The following DAPK1 variants were observed in gnomAD, a reference collection of about 807,000 sequenced individuals.
The protein encoded by DAPK1 is death-associated protein kinase 1.
DAPK1 carries 56 observed loss-of-function variants against 144.9 expected under a neutral mutation model. That is an observed-to-expected ratio of 0.39 (90% CI 0.31 to 0.48). The LOEUF is 0.48. DAPK1 is among the 20% of genes least tolerant of loss of function. The pLI is 0.95. For missense variants in DAPK1, 1,454 were observed against 1,875.4 expected (o/e 0.78, Z 4.15); for synonymous variants, 690 against 749.0 (o/e 0.92, Z 1.29).
At chr9:87,497,862 A>G (rs1476386835), upstream of DAPK1, 2 of 392,912 alleles carry the variant, frequency 5.1e-6, no homozygotes, top group Non-Finnish European at 9.0e-6. Flanking sequence ...AGGAGCCGAG[A>G]GGCTGCTTCG....
At chr9:87,588,677 A>G (rs1315205751) in intron 2 of DAPK1, among the ~76,000 whole-genome samples, 3 of 152,194 alleles carry the variant, frequency 2.0e-5, no homozygotes, top group Non-Finnish European at 4.4e-5. Context: ...ATATTTCCAA[A>G]TAGAGACTAG....
chr9:87,583,823 C>G (rs958224049), intron 2 of DAPK1, among the ~76,000 whole-genome samples: 3 of 152,212 alleles, frequency 2.0e-5, no homozygotes, highest in Non-Finnish European at 4.4e-5. Context: ...AACCTTTCAG[C>G]CTACCATGCT....
intron 2 of DAPK1, among the ~76,000 whole-genome samples, chr9:87,516,099 T>G (rs1825043526): frequency 6.6e-6 from 1 of 152,200 alleles, no homozygotes; most frequent in Admixed American, 6.5e-5. Flanking sequence ...ATGTGGCCTC[T>G]TGCTGTTTTA....
At chr9:87,650,674 G>C (rs1454566689) in intron 16 of DAPK1, among the ~76,000 whole-genome samples, 1 of 152,182 alleles carries the variant, frequency 6.6e-6, no homozygotes, top group African/African-American at 2.4e-5. Flanking sequence ...TTTAATATCT[G>C]CCCTTTGTGA....
At chr9:87,634,171 A>C (rs886845010) in intron 3 of DAPK1, among the ~76,000 whole-genome samples, 2 of 152,238 alleles carry the variant, frequency 1.3e-5, no homozygotes, top group South Asian at 4.1e-4. Context: ...TTCATGATAC[A>C]TTAGCAGAGC....
intron 2 of DAPK1, among the ~76,000 whole-genome samples, chr9:87,563,690 T>TGG: frequency 1.3e-5 from 2 of 152,188 alleles, no homozygotes; most frequent in African/African-American, 4.8e-5. Flanking sequence ...CACCAGATGT[T>TGG]CAGGTGAGGC....
chr9:87,557,332 G>C (rs891669959), intron 2 of DAPK1, among the ~76,000 whole-genome samples: 2 of 152,282 alleles, frequency 1.3e-5, no homozygotes, highest in African/African-American at 4.8e-5. Flanking sequence ...CCTTTGTCCT[G>C]TACCTTCCTG....
At chr9:87,549,525 C>T (rs1190545253) in intron 2 of DAPK1, among the ~76,000 whole-genome samples, 2 of 152,022 alleles carry the variant, frequency 1.3e-5, no homozygotes, top group African/African-American at 4.8e-5. Context: ...TCTGAAATGA[C>T]GAAAAAATTC....
intron 2 of DAPK1, among the ~76,000 whole-genome samples, chr9:87,501,923 C>T (rs1824416761): frequency 6.6e-6 from 1 of 152,168 alleles, no homozygotes; most frequent in African/African-American, 2.4e-5. Context: ...GCCATTTACC[C>T]ACTCTGACAC....
chr9:87,706,417 T>C lies in DAPK1; in HGVS notation c.3346T>C (p.Trp1116Arg). Residue 1116 changes from tryptophan to arginine, a missense_variant, in exon 26 of 26, where the codon TGG becomes CGG. Physicochemically the swap from Trp to Arg is moderately radical, Grantham distance 101. This residue lies in a region of DAPK1 where 1,025 missense variants were observed against 1,237.9 expected (regional missense o/e 0.83). Transcript: ENST00000408954. The surrounding 1 kb of genome is among the most constrained non-coding windows in gnomAD (Gnocchi z 9.0). ...LIKTDNLHRSWADEEDEVMVY... is the reference protein window; with the variant it reads ...LIKTDNLHRSRADEEDEVMVY... The stretch of plus-strand genomic sequence containing the variant: ...CAAGACAGACAACCTGCACCGCTCC[T>C]GGGCTGATGAGGAGGACGAGGTGAT... The C allele has an allele frequency of 6.2e-7, 1 of 1,613,442 alleles. No homozygotes were observed.
intron 3 of DAPK1, among the ~76,000 whole-genome samples, chr9:87,627,621 C>T (rs951242144): frequency 1.3e-5 from 2 of 152,172 alleles, no homozygotes; most frequent in African/African-American, 4.8e-5. Context: ...TTCCAGCTTA[C>T]CTGTTTCCTG....
intron 17 of DAPK1, among the ~76,000 whole-genome samples, chr9:87,652,162 C>T (rs1830466567): frequency 7.0e-6 from 1 of 142,384 alleles, no homozygotes; most frequent in African/African-American, 2.7e-5. Context: ...GATTCTGTGT[C>T]CTCCCACCTG....
At chr9:87,520,525 C>T (rs558252909) in intron 2 of DAPK1, among the ~76,000 whole-genome samples, 58 of 152,240 alleles carry the variant, frequency 3.8e-4, no homozygotes, top group East Asian at 1.4e-3. Flanking sequence ...GCTTGAAAGC[C>T]GGAAGACAAG....
At chr9:87,601,093 G>T (rs796762395) in intron 2 of DAPK1, among the ~76,000 whole-genome samples, 56 of 152,346 alleles carry the variant, frequency 3.7e-4, no homozygotes, top group African/African-American at 1.3e-3. Context: ...TCCCGATCCA[G>T]GGTGGAAAGC....
rs116894470 is a variant in DAPK1, at chr9:87,607,704, T to C, written c.284+2529T>C. ...GTAAATCATGTAACCAGCAGTCTAATTGGGACTCAGAACAGTTCCCATACC... is the reference window on the plus strand; with the variant it reads ...GTAAATCATGTAACCAGCAGTCTAACTGGGACTCAGAACAGTTCCCATACC... On this transcript the variant is annotated intron_variant, in intron 3 of 25. Coordinates refer to ENST00000408954, the MANE Select transcript of DAPK1 (RefSeq NM_004938.4). Among the ~76,000 whole-genome samples the C allele has an allele frequency of 8.2e-3, 1,246 of 152,280 alleles. 9 individuals are homozygous for C. The highest frequency in any genetic ancestry group is 0.012 in the Non-Finnish European group (824 of 68,010).
intron 19 of DAPK1, among the ~76,000 whole-genome samples, chr9:87,671,759 C>T (rs1024783624): frequency 6.6e-6 from 1 of 152,214 alleles, no homozygotes; most frequent in Non-Finnish European, 1.5e-5. Context: ...AGTGATCTTC[C>T]TACTCTGGCC....
chr9:87,652,138 C>CT (rs1830465577), intron 17 of DAPK1, among the ~76,000 whole-genome samples: 1 of 113,448 alleles, frequency 8.8e-6, no homozygotes, highest in Non-Finnish European at 1.8e-5. Flanking sequence ...TCCATTCCCC[C>CT]GATCCTGGGT....
Position 87,639,434 on chromosome 9 carries a change from T to A in DAPK1, c.504T>A (p.Ile168=), listed in dbSNP as rs745538862. The A allele has an allele frequency of 5.0e-6, 8 of 1,613,650 alleles. No homozygotes were observed. The Admixed American group carries it at 8.3e-5, about 17-fold the overall frequency. Residue 168 remains isoleucine, a synonymous_variant, in exon 5 of 26, where the codon ATT becomes ATA. Coordinates refer to ENST00000408954, the MANE Select transcript of DAPK1 (RefSeq NM_004938.4). The part of the protein sequence containing the change: ...KIIDFGLAHK[I]DFGNEFKNIF... Reference sequence around the variant, plus strand: ...TTGACTTTGGGTTGGCCCATAAAATTGACTTTGGAAATGAATTTAAAAACA... The same window carrying A: ...TTGACTTTGGGTTGGCCCATAAAATAGACTTTGGAAATGAATTTAAAAACA...
intron 20 of DAPK1, among the ~76,000 whole-genome samples, chr9:87,684,635 A>G (rs1289250750): frequency 6.6e-6 from 1 of 152,154 alleles, no homozygotes; most frequent in East Asian, 1.9e-4. Context: ...GTGGGAAGGA[A>G]AACATCCAAG....
Sources: gnomAD v4.1 joint callset for allele counts (sites outside exome capture counted in the v4.1 genomes callset) on GRCh38, gnomAD v4.1.1 for gene constraint, gnomAD v4.1.1 regional missense constraint, Gnocchi (gnomAD v3.1) non-coding constraint, MANE v1.5 for transcripts, NCBI Gene and HGNC (gene_info 2026-07-23, HGNC 2026-07-21) for gene names.